DCUN1D5: variants seen among roughly 807,000 people sequenced by gnomAD.
DCUN1D5 encodes the protein defective in cullin neddylation 1 domain containing 5.
In DCUN1D5, 10 loss-of-function variants were observed where a neutral mutation model predicts 38.3. That is an observed-to-expected ratio of 0.26 (90% CI 0.16 to 0.44). The LOEUF is 0.44. Ranked by LOEUF, DCUN1D5 falls within the 20% of genes least tolerant of loss-of-function variation. The pLI is 1.00. For missense variants in DCUN1D5, 148 were observed against 275.3 expected (o/e 0.54, Z 3.27); for synonymous variants, 93 against 90.9 (o/e 1.02, Z -0.13).
intron 4 of DCUN1D5, among the ~76,000 whole-genome samples, chr11:103,079,326 T>C (rs1005585022): frequency 2.6e-5 from 4 of 152,168 alleles, no homozygotes; most frequent in East Asian, 1.9e-4. Context: ...CCTGACCTAG[T>C]AGAATATGAC....
rs1268467108 is a variant in DCUN1D5, at chr11:103,091,715, C to G, written c.86+72G>C. 1.2e-6 allele frequency: 2 copies of G among 1,612,900 alleles called. No homozygotes were observed. Among genetic ancestry groups the G allele is most frequent in the African/African-American group, 2.7e-5 (2 of 74,880 alleles). ...CCAGCCCCAGCCCGGCAGGCCGGGCCCGACTCCTTTTCCTCCAGTTGTCCA... is the reference window on the plus strand; with the variant it reads ...CCAGCCCCAGCCCGGCAGGCCGGGCGCGACTCCTTTTCCTCCAGTTGTCCA... On this transcript the variant is annotated intron_variant, in intron 1 of 7. Coordinates refer to ENST00000260247, the MANE Select transcript of DCUN1D5 (RefSeq NM_032299.4). The surrounding 1 kb of genome is among the most constrained non-coding windows in gnomAD (Gnocchi z 4.3).
Position 103,066,172 on chromosome 11 carries a change from TA to T in DCUN1D5, c.555+96del. 1 of 716,742 alleles carries T rather than the reference TA, an allele frequency of 1.4e-6. No individual in the cohort carries two copies. The highest frequency in any genetic ancestry group is 2.1e-6 in the Non-Finnish European group (1 of 468,218). The allele number at this position is 716,742 out of a possible 1,614,324, so 44.4% of individuals were successfully genotyped here. On this transcript the variant is annotated intron_variant, in intron 6 of 7. Coordinates refer to ENST00000260247, the MANE Select transcript of DCUN1D5 (RefSeq NM_032299.4). This position sits in a 1 kb window ranked among gnomAD's most constrained non-coding sequence, Gnocchi z 4.7. Reference sequence around the variant, plus strand: ...TAGAATTTTTTCTCTAAAGTTTTTTTAAAGCATACTATTAAAAATCTACTTG... The same window carrying T: ...TAGAATTTTTTCTCTAAAGTTTTTTTAAGCATACTATTAAAAATCTACTTG...
Position 103,058,019 on chromosome 11 carries a change from CCAT to C in DCUN1D5, c.*4337_*4339del, listed in dbSNP as rs1398208479. Among the ~76,000 whole-genome samples, 1 of 152,058 alleles carries C rather than the reference CCAT, an allele frequency of 6.6e-6. No individual in the cohort carries two copies. The highest frequency in any genetic ancestry group is 1.5e-5 in the Non-Finnish European group (1 of 68,014). On this transcript the variant is annotated 3_prime_UTR_variant, in exon 8 of 8. Transcript: ENST00000260247. ...TTAATAAAACGTTTGCTATTAACTCCCATTTATGGACCATAGAGCCAAAAATAA... is the reference window on the plus strand; with the variant it reads ...TTAATAAAACGTTTGCTATTAACTCCTTATGGACCATAGAGCCAAAAATAA...
At chr11:103,085,608 AGTGAT>A (rs141443192) in intron 2 of DCUN1D5, among the ~76,000 whole-genome samples, 88 of 152,322 alleles carry the variant, frequency 5.8e-4, no homozygotes, top group African/African-American at 2.0e-3. Flanking sequence ...ACTTTGCCAA[AGTGAT>A]GTAAATAGTA....
intron 4 of DCUN1D5, among the ~76,000 whole-genome samples, chr11:103,082,247 A>G (rs2513993): frequency 0.32 from 48,467 of 152,008 alleles, 8,612 homozygotes; most frequent in African/African-American, 0.49. Flanking sequence ...GCACGGGAGC[A>G]GTTACAACAT....
rs918140603 is a variant in DCUN1D5, at chr11:103,061,912, G to T, written c.*447C>A. On this transcript the variant is annotated 3_prime_UTR_variant, in exon 8 of 8. Coordinates refer to ENST00000260247, the MANE Select transcript of DCUN1D5 (RefSeq NM_032299.4). ...GGCCAACAGTCTTCCAAATTGTGCA[G>T]AGATGACTATAATGAGCCATACCAT... 7.2e-5 allele frequency among the ~76,000 whole-genome samples: 11 copies of T among 152,048 alleles called. No individual in the cohort carries two copies. The highest frequency in any genetic ancestry group is 2.0e-4 in the Admixed American group (3 of 15,254).
intron 1 of DCUN1D5, among the ~76,000 whole-genome samples, chr11:103,089,866 A>G (rs1391433328): frequency 5.3e-5 from 8 of 152,168 alleles, no homozygotes; most frequent in African/African-American, 1.9e-4. Flanking sequence ...CAACAAAAAA[A>G]CACTAAAAGT....
rs1285606025 is a variant in DCUN1D5, at chr11:103,053,332, A to G, written c.*9027T>C. 8.8e-6 allele frequency: 1 copy of G among 113,624 alleles called. No individual in the cohort carries two copies. Among genetic ancestry groups the G allele is most frequent in the East Asian group, 2.8e-4 (1 of 3,564 alleles). 7.0% of individuals were successfully genotyped at this position (113,624 alleles called of 1,614,324 possible). ...TGCCTACAAAGAAAGCAAGTAATAC[A>G]AATCAGTGTGCATCATTGACATTAC... On this transcript the variant is annotated 3_prime_UTR_variant, in exon 8 of 8. Transcript: ENST00000260247. The surrounding 1 kb of genome is among the most constrained non-coding windows in gnomAD (Gnocchi z 4.8).
Position 103,083,134 on chromosome 11 carries a change from T to G in DCUN1D5, c.249+122A>C. The G allele has an allele frequency of 1.6e-6, 1 of 626,592 alleles. No homozygotes were observed. The highest frequency in any genetic ancestry group is 2.8e-6 in the Non-Finnish European group (1 of 353,084). 38.8% of individuals were successfully genotyped at this position (626,592 alleles called of 1,614,324 possible). A position where few individuals can be genotyped will look rare whatever the true frequency, so the allele number is the denominator to read the frequency against. ...TGATTAAAAATACCTTAAATGCAAA[T>G]TTACAATATTAAACATGAAGAAATA... On this transcript the variant is annotated intron_variant, in intron 3 of 7. Transcript: ENST00000260247. This position sits in a 1 kb window ranked among gnomAD's most constrained non-coding sequence, Gnocchi z 4.4.
Position 103,063,947 on chromosome 11 carries a change from T to G in DCUN1D5, c.658+328A>C, listed in dbSNP as rs1862075290. ...TTGTTTTGCTGTTATATTTTTAAAA[T>G]CATGACTGTACTTTTCTTCCATAGG... is the stretch of plus-strand genomic sequence containing the variant. On this transcript the variant is annotated intron_variant, in intron 7 of 7. Coordinates refer to ENST00000260247, the MANE Select transcript of DCUN1D5 (RefSeq NM_032299.4). The surrounding 1 kb of genome is among the most constrained non-coding windows in gnomAD (Gnocchi z 4.6). 3.3e-5 allele frequency among the ~76,000 whole-genome samples: 5 copies of G among 152,140 alleles called. No homozygotes were observed. The highest frequency in any genetic ancestry group is 3.3e-4 in the Admixed American group (5 of 15,266).
chr11:103,066,620 AGTATCACT>A lies in DCUN1D5; in HGVS notation c.342-61_342-54del. On this transcript the variant is annotated intron_variant, in intron 4 of 7. Coordinates refer to ENST00000260247, the MANE Select transcript of DCUN1D5 (RefSeq NM_032299.4). This position sits in a 1 kb window ranked among gnomAD's most constrained non-coding sequence, Gnocchi z 4.7. ...TACATAATCAAGAAAATCAAATAAA[AGTATCACT>A]GGGGGTTAGACGTAATGCATTAAGA... The A allele has an allele frequency of 8.9e-7, 1 of 1,123,892 alleles. No individual in the cohort carries two copies. The highest frequency in any genetic ancestry group is 1.6e-5 in the African/African-American group (1 of 64,478). 69.6% of individuals were successfully genotyped at this position (1,123,892 alleles called of 1,614,324 possible). A position where few individuals can be genotyped will look rare whatever the true frequency, so the allele number is the denominator to read the frequency against.
At position 103,071,682 on chromosome 11, in the gene DCUN1D5, A is replaced by G. The variant is rs1456938329; in HGVS notation, c.342-5115T>C. On this transcript the variant is annotated intron_variant, in intron 4 of 7. Coordinates refer to ENST00000260247, the MANE Select transcript of DCUN1D5 (RefSeq NM_032299.4). This position sits in a 1 kb window ranked among gnomAD's most constrained non-coding sequence, Gnocchi z 4.1. Reference sequence around the variant, plus strand: ...CTACATCAAAACTTGGATGAAATGGACCAATAAGTTCCTTGAAAAACACAA... The same window carrying G: ...CTACATCAAAACTTGGATGAAATGGGCCAATAAGTTCCTTGAAAAACACAA... Among the ~76,000 whole-genome samples the G allele has an allele frequency of 1.3e-5, 2 of 151,110 alleles. No homozygotes were observed. The highest frequency in any genetic ancestry group is 3.0e-5 in the Non-Finnish European group (2 of 67,710).
In DCUN1D5 at chr11:103,077,012, C is replaced by A. The variant is rs978629762; in HGVS notation, c.341+5736G>T. On this transcript the variant is annotated intron_variant, in intron 4 of 7. Coordinates refer to ENST00000260247, the MANE Select transcript of DCUN1D5 (RefSeq NM_032299.4). The surrounding 1 kb of genome is among the most constrained non-coding windows in gnomAD (Gnocchi z 4.3). ...AGGAGATCAAGACCATCCCGGCTAA[C>A]ATGGTGAAACCCCGTCTCTACTAAA... Among the ~76,000 whole-genome samples the A allele has an allele frequency of 7.2e-5, 11 of 152,146 alleles. No individual in the cohort carries two copies. The highest frequency in any genetic ancestry group is 1.7e-4 in the African/African-American group (7 of 41,442).
Position 103,060,122 on chromosome 11 carries a change from T to C in DCUN1D5, c.*2237A>G, listed in dbSNP as rs1044895020. Among the ~76,000 whole-genome samples, 15 of 152,086 alleles carry C rather than the reference T, an allele frequency of 9.9e-5. No homozygotes were observed. Among genetic ancestry groups the C allele is most frequent in the Non-Finnish European group, 2.2e-4 (15 of 68,028 alleles). On this transcript the variant is annotated 3_prime_UTR_variant, in exon 8 of 8. Transcript: ENST00000260247. ...ACAGCCCACACCCTGACTGATGAAT[T>C]AGGCAGAGTAAATTTGCCTTCAAAG...
chr11:103,087,284 C>T lies in DCUN1D5; in HGVS notation c.178+1943G>A, dbSNP rs927560037. On this transcript the variant is annotated intron_variant, in intron 2 of 7. Coordinates refer to ENST00000260247, the MANE Select transcript of DCUN1D5 (RefSeq NM_032299.4). The surrounding 1 kb of genome is among the most constrained non-coding windows in gnomAD (Gnocchi z 4.1). ...CTCCTGGGTTCACGCCATTCTCCTG[C>T]CCCAGCCTCCCAAGTAGCTGGGACT... 1.3e-5 allele frequency among the ~76,000 whole-genome samples: 2 copies of T among 151,778 alleles called. No individual in the cohort carries two copies. Among genetic ancestry groups the T allele is most frequent in the Non-Finnish European group, 2.9e-5 (2 of 67,966 alleles).
chr11:103,080,325 T>A (rs1430369729), intron 4 of DCUN1D5, among the ~76,000 whole-genome samples: 1 of 152,230 alleles, frequency 6.6e-6, no homozygotes, highest in Non-Finnish European at 1.5e-5. Flanking sequence ...GTTTATTATA[T>A]AGAACACAAA....
chr11:103,082,171 C>G (rs1370284467), intron 4 of DCUN1D5, among the ~76,000 whole-genome samples: 4 of 152,034 alleles, frequency 2.6e-5, no homozygotes, highest in African/African-American at 9.7e-5. Context: ...AATTCTATAA[C>G]TTATGAAAAT....
Position 103,056,169 on chromosome 11 carries a change from T to C in DCUN1D5, c.*6190A>G, listed in dbSNP as rs1300404235. Among the ~76,000 whole-genome samples the C allele has an allele frequency of 1.3e-5, 2 of 152,194 alleles. No individual in the cohort carries two copies. The highest frequency in any genetic ancestry group is 1.3e-4 in the Admixed American group (2 of 15,274). On this transcript the variant is annotated 3_prime_UTR_variant, in exon 8 of 8. Transcript: ENST00000260247. This position sits in a 1 kb window ranked among gnomAD's most constrained non-coding sequence, Gnocchi z 4.9. ...ACTACTACCTGCTTCCATCCTTGCT[T>C]TGATCTGAATCCTAATTGCTTGCTA...
chr11:103,089,282 A>G lies in DCUN1D5; in HGVS notation c.123T>C (p.Ser41=). The part of the protein sequence containing the change: ...CRSQPPARLI[S]GEEHFSSKKC... ...TCTTGCTTGAAAAATGTTCCTCTCC[A>G]CTTATTAGTCTAGCAGGGGGTTGGG... Residue 41 remains serine, a synonymous_variant, in exon 2 of 8, where the codon AGT becomes AGC. Coordinates refer to ENST00000260247, the MANE Select transcript of DCUN1D5 (RefSeq NM_032299.4). 6.2e-7 allele frequency: 1 copy of G among 1,612,204 alleles called. No individual in the cohort carries two copies.
Sources: gnomAD v4.1 joint callset for allele counts (sites outside exome capture counted in the v4.1 genomes callset) on GRCh38, gnomAD v4.1.1 for gene constraint, Gnocchi (gnomAD v3.1) non-coding constraint, MANE v1.5 for transcripts, NCBI Gene and HGNC (gene_info 2026-07-23, HGNC 2026-07-21) for gene names.